Variants in TBC1D9 observed in about 807,000 individuals in gnomAD.
TBC1D9 encodes TBC1 domain family member 9A.
In TBC1D9, 63 loss-of-function variants were observed where a neutral mutation model predicts 132.0. That is an observed-to-expected ratio of 0.48 (90% CI 0.39 to 0.59). TBC1D9 has a LOEUF of 0.59. Ranked by LOEUF, TBC1D9 falls within the 20% of genes least tolerant of loss-of-function variation. The pLI, the probability that TBC1D9 is intolerant of heterozygous loss-of-function variation, is 0.00. For synonymous variants in TBC1D9, 610 were observed against 609.9 expected, an observed-to-expected ratio of 1.00 and a Z score of 0.00; for missense variants, 1,261 against 1,592.7, an observed-to-expected ratio of 0.79 and a Z score of 3.54.
chr4:140,635,924 C>T (rs1266070682), intron 15 of TBC1D9, among the ~76,000 whole-genome samples: 7 of 152,138 alleles, frequency 4.6e-5, no homozygotes, highest in Non-Finnish European at 1.0e-4. Context: ...ATGAGTGGAG[C>T]CCAGCAGCCC....
chr4:140,663,719 G>A (rs748990676), intron 9 of TBC1D9, among the ~76,000 whole-genome samples: 38 of 152,256 alleles, frequency 2.5e-4, no homozygotes, highest in Non-Finnish European at 5.1e-4. Flanking sequence ...TATAAGAGGG[G>A]AAGTCCTATC....
At chr4:140,694,297 G>A (rs936941389) in intron 2 of TBC1D9, among the ~76,000 whole-genome samples, 10 of 152,142 alleles carry the variant, frequency 6.6e-5, no homozygotes, top group East Asian at 1.9e-4. Context: ...TAGGCCAGGC[G>A]CAGTGGCTCA....
At chr4:140,630,386 T>C (rs1736776038) in intron 16 of TBC1D9, among the ~76,000 whole-genome samples, 1 of 152,210 alleles carries the variant, frequency 6.6e-6, no homozygotes, top group Non-Finnish European at 1.5e-5. Context: ...CATGGTAGCA[T>C]TATAACCTGA....
intron 16 of TBC1D9, 135 bp downstream of exon 16, chr4:140,633,813 G>T: frequency 1.9e-6 from 2 of 1,046,386 alleles, no homozygotes; most frequent in Non-Finnish European, 2.7e-6. Flanking sequence ...CATATACTAT[G>T]TTCATGAAAA....
Position 140,669,035 on chromosome 4 carries a change from C to T in TBC1D9, c.1470G>A (p.Lys490=), listed in dbSNP as rs1190694195. 5 of 1,613,904 alleles carry T rather than the reference C, an allele frequency of 3.1e-6. No individual in the cohort carries two copies. The highest frequency in any genetic ancestry group is 1.7e-5 in the Admixed American group (1 of 60,006). The part of the protein sequence containing the change: ...AKEFLKEQAW[K]IHFAEYGQGI... ...CTTGCCCATACTCAGCAAAGTGAAT[C>T]TTCCAGGCTTGCTCTTTCAGAAACT... The change falls in exon 9 of 21, where the codon AAG becomes AAA. Residue 490 remains lysine, a synonymous_variant. Transcript: ENST00000442267.
At chr4:140,696,243 A>C (rs1208154224) in intron 2 of TBC1D9, among the ~76,000 whole-genome samples, 1 of 151,898 alleles carries the variant, frequency 6.6e-6, no homozygotes, top group Non-Finnish European at 1.5e-5. Flanking sequence ...AGATCACCTG[A>C]GTCAGGAGTT....
chr4:140,639,498 C>T (rs1047888978), intron 13 of TBC1D9, 70 bp from the exon 14 acceptor site: 2 of 1,055,268 alleles, frequency 1.9e-6, no homozygotes, highest in Non-Finnish European at 1.4e-6. Flanking sequence ...CTGCAGAATG[C>T]CTGCAACACA....
intron 13 of TBC1D9, among the ~76,000 whole-genome samples, chr4:140,650,287 T>C (rs1737169231): frequency 6.6e-6 from 1 of 152,200 alleles, no homozygotes; most frequent in African/African-American, 2.4e-5. Context: ...CAGGGAGTAT[T>C]ATAAAAAACA....
intron 6 of TBC1D9, among the ~76,000 whole-genome samples, chr4:140,671,743 T>C (rs926813809): frequency 1.3e-5 from 2 of 149,580 alleles, no homozygotes; most frequent in Non-Finnish European, 2.9e-5. Context: ...TGGGGAAATT[T>C]AGCTCTAAAC....
Position 140,639,406 on chromosome 4 carries a change from T to A in TBC1D9, c.2360A>T (p.Asp787Val), listed in dbSNP as rs766173824. Residue 787 changes from aspartate to valine, a missense_variant, in exon 14 of 21, where the codon GAT (aspartate) becomes GTT (valine). By Grantham distance (152) the Asp-to-Val change is radical (BLOSUM62 -3). Around this residue, in one of 3 missense-constraint regions of TBC1D9, gnomAD observed 618 missense variants for 724.4 expected, o/e 0.85. Coordinates refer to ENST00000442267, the MANE Select transcript of TBC1D9 (RefSeq NM_015130.3). ...TTTGAATCTCATCTGTTCAATCAAA[T>A]CTGCCCGGATAGTTCCGAATTTCTG... ...SYEKFGTIRADLIEQMRFKQR... is the reference protein window; with the variant it reads ...SYEKFGTIRAVLIEQMRFKQR... 1 of 1,612,252 alleles carries A rather than the reference T, an allele frequency of 6.2e-7. No individual in the cohort carries two copies. The highest frequency in any genetic ancestry group is 1.1e-5 in the South Asian group (1 of 90,476).
rs1350736601 is a variant in TBC1D9, at chr4:140,755,876, T to C, written c.130+40A>G. 1.5e-5 allele frequency: 23 copies of C among 1,497,178 alleles called. No homozygotes were observed. In the African/African-American group the frequency reaches 2.3e-4, roughly 15 times the overall value. 92.7% of individuals were successfully genotyped at this position (1,497,178 alleles called of 1,614,324 possible). A position where few individuals can be genotyped will look rare whatever the true frequency, so the allele number is the denominator to read the frequency against. ...CAGGCCGCGGGCGGCGCCGCAGCGCTCCCGGCTCCCCTCCTGCAGGGATCG... is the reference window on the plus strand; with the variant it reads ...CAGGCCGCGGGCGGCGCCGCAGCGCCCCCGGCTCCCCTCCTGCAGGGATCG... On this transcript the variant is annotated intron_variant, in intron 1 of 20. Transcript: ENST00000442267.
At chr4:140,642,357 T>C in intron 13 of TBC1D9, 1 of 830,550 alleles carries the variant, frequency 1.2e-6, no homozygotes, top group Non-Finnish European at 2.0e-6. Flanking sequence ...GGCGGCCCTT[T>C]TGTGTTTACC....
At chr4:140,635,531 TTC>T (rs1296010140) in intron 15 of TBC1D9, among the ~76,000 whole-genome samples, 2 of 152,186 alleles carry the variant, frequency 1.3e-5, no homozygotes, top group African/African-American at 4.8e-5. Flanking sequence ...TTGAAAATCC[TTC>T]TCTTTTCCCT....
chr4:140,708,714 T>C (rs1025483377), intron 1 of TBC1D9, among the ~76,000 whole-genome samples: 5 of 152,112 alleles, frequency 3.3e-5, no homozygotes, highest in East Asian at 1.9e-4. Flanking sequence ...TGAAGGTACA[T>C]GTGAGCTAAT....
intron 1 of TBC1D9, among the ~76,000 whole-genome samples, chr4:140,749,810 A>C (rs1186112737): frequency 3.3e-5 from 5 of 152,206 alleles, no homozygotes; most frequent in Non-Finnish European, 7.3e-5. Context: ...TAACCAAATA[A>C]ATCTATTCTA....
intron 15 of TBC1D9, among the ~76,000 whole-genome samples, chr4:140,635,257 C>T (rs986279724): frequency 2.0e-5 from 3 of 151,916 alleles, no homozygotes; most frequent in Admixed American, 1.3e-4. Context: ...GCGAGAGGAT[C>T]GCCTGAGCCC....
At chr4:140,638,300 T>C (rs984302180) in intron 15 of TBC1D9, among the ~76,000 whole-genome samples, 1 of 152,180 alleles carries the variant, frequency 6.6e-6, no homozygotes, top group African/African-American at 2.4e-5. Context: ...ATGCTGATGA[T>C]ACCTATGACA....
In TBC1D9 at chr4:140,668,869, G is replaced by A. The variant is rs776370580; in HGVS notation, c.1588+48C>T. The A allele has an allele frequency of 3.1e-6, 5 of 1,601,314 alleles. No homozygotes were observed. The South Asian group carries it at 4.5e-5, about 14-fold the overall frequency. ...TGAAGGCACAGGGAGGCCCTGGTGT[G>A]GAGTCCCACAGACTTTGACGCCAGC... On this transcript the variant is annotated intron_variant, in intron 9 of 20. Transcript: ENST00000442267.
At chr4:140,693,861 TG>T (rs1560887792) in intron 2 of TBC1D9, among the ~76,000 whole-genome samples, 3 of 152,226 alleles carry the variant, frequency 2.0e-5, no homozygotes. Context: ...TAATCTCTTA[TG>T]GGTCATAATA....
Sources: gnomAD v4.1 joint callset for allele counts (sites outside exome capture counted in the v4.1 genomes callset) on GRCh38, gnomAD v4.1.1 for gene constraint, gnomAD v4.1.1 regional missense constraint, MANE v1.5 for transcripts, NCBI Gene and HGNC (gene_info 2026-07-23, HGNC 2026-07-21) for gene names.